The following PLEKHA5 variants were observed in gnomAD, a reference collection of about 807,000 sequenced individuals.
The protein encoded by PLEKHA5 is pleckstrin homology domain-containing family A member 5.
PLEKHA5 carries 55 observed loss-of-function variants against 181.9 expected under a neutral mutation model. That is an observed-to-expected ratio of 0.30 (90% CI 0.24 to 0.38). PLEKHA5 has a LOEUF of 0.38. Among genes scored for constraint, PLEKHA5 ranks in the 10% least tolerant of loss-of-function variants. The pLI, the probability that PLEKHA5 is intolerant of heterozygous loss-of-function variation, is 1.00. For missense variants in PLEKHA5, 1,432 were observed against 1,549.5 expected (o/e 0.92, Z 1.27); for synonymous variants, 535 against 529.4 (o/e 1.01, Z -0.15).
chr12:19,212,279 A>T (rs2057072237), intron 3 of PLEKHA5, among the ~76,000 whole-genome samples: 1 of 152,138 alleles, frequency 6.6e-6, no homozygotes, highest in South Asian at 2.1e-4. Flanking sequence ...ACAGAGCGAG[A>T]TTCCATCTTA....
At chr12:19,350,831 T>C (rs1350091833) in intron 25 of PLEKHA5, among the ~76,000 whole-genome samples, 2 of 152,182 alleles carry the variant, frequency 1.3e-5, no homozygotes, top group African/African-American at 4.8e-5. Flanking sequence ...GCTTTTTTCA[T>C]TGTTGGAATA....
chr12:19,302,643 C>T (rs1415683197), intron 15 of PLEKHA5, among the ~76,000 whole-genome samples: 1 of 152,008 alleles, frequency 6.6e-6, no homozygotes, highest in Non-Finnish European at 1.5e-5. Flanking sequence ...GTGGTCCTCC[C>T]ACCTTGGCCT....
intron 3 of PLEKHA5, among the ~76,000 whole-genome samples, chr12:19,188,583 T>C (rs548677432): frequency 6.6e-6 from 1 of 152,352 alleles, no homozygotes; most frequent in East Asian, 1.9e-4. Flanking sequence ...CTTCTGGCAA[T>C]GGCCAACTTA....
chr12:19,195,919 A>G (rs191362274), intron 3 of PLEKHA5, among the ~76,000 whole-genome samples: 7 of 152,182 alleles, frequency 4.6e-5, no homozygotes, highest in Non-Finnish European at 5.9e-5. Flanking sequence ...GCCATTCTCT[A>G]TTGACTATTC....
chr12:19,295,151 A>G (rs186054350), intron 15 of PLEKHA5, among the ~76,000 whole-genome samples: 22 of 152,300 alleles, frequency 1.4e-4, no homozygotes, highest in South Asian at 8.3e-4. Context: ...TATATATTTT[A>G]TGTACCTCAT....
At chr12:19,249,462 A>G (rs965863102) in intron 3 of PLEKHA5, among the ~76,000 whole-genome samples, 3 of 152,130 alleles carry the variant, frequency 2.0e-5, no homozygotes. Flanking sequence ...TCATCACACT[A>G]CTCAGAACAG....
At chr12:19,284,395 T>G (rs1039809407) in intron 12 of PLEKHA5, among the ~76,000 whole-genome samples, 2 of 152,116 alleles carry the variant, frequency 1.3e-5, no homozygotes, top group East Asian at 3.9e-4. Context: ...TTATTGGCTT[T>G]TTACACACTT....
chr12:19,246,537 G>T (rs2063787940), intron 3 of PLEKHA5, among the ~76,000 whole-genome samples: 1 of 150,314 alleles, frequency 6.7e-6, no homozygotes, highest in Non-Finnish European at 1.5e-5. Flanking sequence ...GCAGGGAACT[G>T]CTTGAACCCA....
intron 3 of PLEKHA5, chr12:19,149,856 C>G (rs917795077): frequency 8.5e-5 from 13 of 152,338 alleles, no homozygotes; most frequent in African/African-American, 3.1e-4. Context: ...AGAACTGGGA[C>G]AGTGTCACTT....
chr12:19,375,292 C>T (rs1347620684), intron 31 of PLEKHA5, among the ~76,000 whole-genome samples: 2 of 152,036 alleles, frequency 1.3e-5, no homozygotes, highest in Non-Finnish European at 1.5e-5. Context: ...CCACTGCACC[C>T]CAGCCTAGGC....
chr12:19,353,892 T>A lies in PLEKHA5; in HGVS notation c.3028T>A (p.Phe1010Ile). 6.5e-7 allele frequency: 1 copy of A among 1,548,176 alleles called. No individual in the cohort carries two copies. The highest frequency in any genetic ancestry group is 2.2e-5 in the East Asian group (1 of 44,478). Residue 1010 changes from phenylalanine (F) to isoleucine (I), a missense_variant, in exon 26 of 32, where the codon TTT becomes ATT. This residue lies in a region of PLEKHA5 where 1,143 missense variants were observed against 1,168.4 expected (regional missense o/e 0.98). Transcript: ENST00000429027. ...GCTGTTTTAATTTTTAGGTTCCCAC[T>A]TTCCTGTTGGAGTAGTCCCTCCAAG... is the stretch of plus-strand genomic sequence containing the variant. Reference protein sequence around the residue: ...IETSVVKGSHFPVGVVPPRAK... With the variant: ...IETSVVKGSHIPVGVVPPRAK...
chr12:19,190,978 CTAAT>C (rs1359428986), intron 3 of PLEKHA5, among the ~76,000 whole-genome samples: 2 of 152,272 alleles, frequency 1.3e-5, no homozygotes, highest in African/African-American at 4.8e-5. Context: ...AGTGTGGTGA[CTAAT>C]TAGTTTCCTA....
chr12:19,156,251 C>CA (rs1487181763), intron 3 of PLEKHA5, among the ~76,000 whole-genome samples: 1 of 146,182 alleles, frequency 6.8e-6, no homozygotes, highest in Non-Finnish European at 1.5e-5. Context: ...GCAAGCCAGT[C>CA]ATTTCTTCTT....
At chr12:19,245,950 T>C (rs1011855884) in intron 3 of PLEKHA5, among the ~76,000 whole-genome samples, 1 of 151,764 alleles carries the variant, frequency 6.6e-6, no homozygotes, top group South Asian at 2.1e-4. Context: ...CGTATGTGGT[T>C]TAAAGAATAT....
intron 5 of PLEKHA5, among the ~76,000 whole-genome samples, chr12:19,255,895 A>G (rs1289398402): frequency 3.3e-5 from 5 of 151,196 alleles, no homozygotes; most frequent in Admixed American, 2.0e-4. Flanking sequence ...AAAAAAAAAA[A>G]AAAAGAAAAG....
chr12:19,191,944 G>C (rs1003788136), intron 3 of PLEKHA5, among the ~76,000 whole-genome samples: 1 of 152,064 alleles, frequency 6.6e-6, no homozygotes, highest in Non-Finnish European at 1.5e-5. Flanking sequence ...TGTCACTTTT[G>C]TCATATTTTA....
At chr12:19,354,457 T>C (rs932298431) in intron 26 of PLEKHA5, among the ~76,000 whole-genome samples, 28 of 131,654 alleles carry the variant, frequency 2.1e-4, no homozygotes, top group African/African-American at 7.9e-4. Context: ...CCCAGCCCGA[T>C]CTTAGTTATT....
intron 3 of PLEKHA5, among the ~76,000 whole-genome samples, chr12:19,187,439 T>G (rs1039916659): frequency 1.3e-5 from 2 of 152,170 alleles, no homozygotes; most frequent in African/African-American, 4.8e-5. Context: ...TTAATTACAG[T>G]TAAGATGCAG....
rs1398511543 is a variant in PLEKHA5 at position 19,282,160 on chromosome 12, A to G, written c.1314-1120A>G. On this transcript the variant is annotated intron_variant, in intron 11 of 31. Coordinates refer to ENST00000429027, the MANE Select transcript of PLEKHA5 (RefSeq NM_001256470.2). ...AAATGGTAGTATTCTGTGCTTAGTA[A>G]TATGCAATTACATATCCAATTCCCA... is the stretch of plus-strand genomic sequence containing the variant. Among the ~76,000 whole-genome samples the G allele has an allele frequency of 4.6e-5, 7 of 152,162 alleles. No individual in the cohort carries two copies. In the East Asian group the frequency reaches 1.3e-3, roughly 29 times the overall value.
Sources: allele counts gnomAD v4.1 joint callset (sites outside exome capture counted in the v4.1 genomes callset), GRCh38; gene constraint gnomAD v4.1.1; regional missense constraint gnomAD v4.1.1; transcripts MANE v1.5; gene names NCBI Gene and HGNC (gene_info 2026-07-23, HGNC 2026-07-21).